PHF20: variants seen among roughly 807,000 people sequenced by gnomAD.
The protein encoded by PHF20 is glioma-expressed antigen 2.
Under a neutral mutation model 113.5 loss-of-function variants are expected in PHF20, and 23 were observed. That is an observed-to-expected ratio of 0.20 (90% CI 0.15 to 0.29). The LOEUF (loss-of-function observed/expected upper bound fraction) is 0.29, where lower values mean the gene tolerates loss of function less well. PHF20 is among the 10% of genes least tolerant of loss of function. The probability of loss-of-function intolerance (pLI) is 1.00; values close to 1 mark genes in which losing one functional copy is unlikely to be tolerated. For synonymous variants in PHF20, 434 were observed against 457.3 expected (o/e 0.95, Z 0.65); for missense variants, 943 against 1,219.6 (o/e 0.77, Z 3.38).
chr20:35,859,254 T>G (rs1472244131), intron 5 of PHF20, among the ~76,000 whole-genome samples: 1 of 152,180 alleles, frequency 6.6e-6, no homozygotes, highest in Non-Finnish European at 1.5e-5. Context: ...GAAATATGGT[T>G]TGCATAGATA....
chr20:35,932,982 T>C (rs2055789790), intron 15 of PHF20, among the ~76,000 whole-genome samples: 1 of 152,236 alleles, frequency 6.6e-6, no homozygotes, highest in Non-Finnish European at 1.5e-5. Context: ...TCACTTAGCA[T>C]AGTGTCCTCA....
At chr20:35,910,780 C>CCGCT (rs2055285374) in intron 10 of PHF20, among the ~76,000 whole-genome samples, 1 of 150,954 alleles carries the variant, frequency 6.6e-6, no homozygotes, top group African/African-American at 2.4e-5. Context: ...AGGCATGAGC[C>CCGCT]ACCACACCCA....
intron 9 of PHF20, among the ~76,000 whole-genome samples, chr20:35,898,560 G>T (rs189290362): frequency 2.0e-5 from 3 of 151,810 alleles, no homozygotes; most frequent in Admixed American, 2.0e-4. Context: ...TCAGCCTCCC[G>T]AATAGCTAGA....
chr20:35,938,107 C>T (rs1401994753), intron 15 of PHF20, among the ~76,000 whole-genome samples: 2 of 152,032 alleles, frequency 1.3e-5, no homozygotes, highest in Non-Finnish European at 2.9e-5. Context: ...CTCCTGACCT[C>T]GTGATCCTCC....
At chr20:35,912,747 G>A (rs1332474860) in intron 10 of PHF20, among the ~76,000 whole-genome samples, 1 of 152,104 alleles carries the variant, frequency 6.6e-6, no homozygotes, top group African/African-American at 2.4e-5. Flanking sequence ...CAGGAGAATC[G>A]CTTGAACCCG....
chr20:35,938,919 C>T lies in PHF20; in HGVS notation c.2523C>T (p.Tyr841=). 6.2e-7 allele frequency: 1 copy of T among 1,614,190 alleles called. No homozygotes were observed. The highest frequency in any genetic ancestry group is 8.5e-7 in the Non-Finnish European group (1 of 1,180,024). Residue 841 remains tyrosine, a synonymous_variant, in exon 16 of 18, where the codon TAC becomes TAT. Transcript: ENST00000374012. ...EESYITSEHC[Y]QKPRAYYPAV... ...CCTATATCACCAGTGAGCATTGCTA[C>T]CAGAAGCCCCGCGCCTATTACCCTG...
intron 5 of PHF20, among the ~76,000 whole-genome samples, chr20:35,860,077 C>T (rs941256067): frequency 6.6e-6 from 1 of 152,026 alleles, no homozygotes; most frequent in African/African-American, 2.4e-5. Context: ...TGCCACTACG[C>T]CTGGCTAATT....
At chr20:35,806,793 T>TC (rs2041889705) in intron 2 of PHF20, among the ~76,000 whole-genome samples, 1 of 104,882 alleles carries the variant, frequency 9.5e-6, no homozygotes, top group Non-Finnish European at 2.0e-5. Flanking sequence ...CCTTTACTCT[T>TC]TTTTTTTTTT....
intron 2 of PHF20, among the ~76,000 whole-genome samples, chr20:35,821,213 C>G (rs2146901701): frequency 6.6e-6 from 1 of 151,846 alleles, no homozygotes; most frequent in Non-Finnish European, 1.5e-5. Flanking sequence ...GTTTGGGAGG[C>G]CGAGGTGGGT....
chr20:35,899,527 G>A lies in PHF20; in HGVS notation c.1440G>A (p.Glu480=), dbSNP rs1488026724. ...ACATGAAGTATTTCCATGGAATGGA[G>A]AAGTCACTGGAGCCAGAAGAGAGCC... ...HYHMKYFHGM[E]KSLEPEESPG... Residue 480 remains glutamate (E), a synonymous_variant, in exon 10 of 18, where the codon GAG becomes GAA. Coordinates refer to ENST00000374012, the MANE Select transcript of PHF20 (RefSeq NM_016436.5). 2.5e-6 allele frequency: 4 copies of A among 1,614,032 alleles called. 1 individual carries two copies. In the South Asian group the frequency reaches 4.4e-5, roughly 18 times the overall value.
chr20:35,899,727 G>A (rs2055059953), intron 10 of PHF20, 79 bp downstream of exon 10: 4 of 1,438,908 alleles, frequency 2.8e-6, no homozygotes, highest in Admixed American at 3.8e-5. Context: ...GACACACAAA[G>A]CAGGCATTAG....
chr20:35,937,411 T>G (rs1405796595), intron 15 of PHF20, among the ~76,000 whole-genome samples: 2 of 150,606 alleles, frequency 1.3e-5, no homozygotes, highest in Non-Finnish European at 2.9e-5. Context: ...GAGGTTGTGG[T>G]GAGCCGAGAT....
At chr20:35,881,068 TTTC>T (rs2054623209) in intron 9 of PHF20, among the ~76,000 whole-genome samples, 4 of 145,790 alleles carry the variant, frequency 2.7e-5, no homozygotes, top group South Asian at 2.3e-4. Context: ...TTTTTTTTTT[TTTC>T]TGAGACGGAG....
intron 10 of PHF20, among the ~76,000 whole-genome samples, chr20:35,912,957 G>A (rs1361307989): frequency 6.6e-6 from 1 of 152,202 alleles, no homozygotes; most frequent in African/African-American, 2.4e-5. Flanking sequence ...GGGTTGAAAG[G>A]TCTCTGTCCT....
At chr20:35,869,579 C>T (rs2054380975) in intron 7 of PHF20, 28 bp downstream of exon 7, 1 of 1,242,634 alleles carries the variant, frequency 8.0e-7, no homozygotes. Flanking sequence ...TTATGTGTGG[C>T]TAGAATTTGA....
intron 6 of PHF20, among the ~76,000 whole-genome samples, chr20:35,866,713 A>G (rs896090649): frequency 6.6e-6 from 1 of 152,184 alleles, no homozygotes; most frequent in Non-Finnish European, 1.5e-5. Context: ...TTAGGTATTC[A>G]TGCCCTGGCT....
chr20:35,932,580 G>A (rs775444423), intron 15 of PHF20, among the ~76,000 whole-genome samples: 3 of 150,486 alleles, frequency 2.0e-5, no homozygotes, highest in Admixed American at 6.6e-5. Flanking sequence ...ACAGGCGCAC[G>A]CCACCACACC....
intron 17 of PHF20, among the ~76,000 whole-genome samples, chr20:35,945,551 C>T (rs2056070133): frequency 1.3e-5 from 2 of 152,136 alleles, no homozygotes; most frequent in Admixed American, 1.3e-4. Flanking sequence ...CAGTAGGTTG[C>T]AGGCTGCTTG....
At chr20:35,946,391 G>A (rs777416261) in intron 17 of PHF20, among the ~76,000 whole-genome samples, 5 of 152,062 alleles carry the variant, frequency 3.3e-5, no homozygotes, top group East Asian at 1.9e-4. Context: ...CTGAGATGGC[G>A]CCACTGCACT....
Sources: gnomAD v4.1 joint callset for allele counts (sites outside exome capture counted in the v4.1 genomes callset) on GRCh38, gnomAD v4.1.1 for gene constraint, MANE v1.5 for transcripts, NCBI Gene and HGNC (gene_info 2026-07-23, HGNC 2026-07-21) for gene names.